SLC39A9: variants seen among roughly 807,000 people sequenced by gnomAD.
The protein encoded by SLC39A9 is zinc transporter ZIP9.
Under a neutral mutation model 28.4 loss-of-function variants are expected in SLC39A9, and 14 were observed. That is an observed-to-expected ratio of 0.49 (90% confidence interval 0.33 to 0.77). The LOEUF (loss-of-function observed/expected upper bound fraction) is 0.77. SLC39A9 is among the 30% of genes least tolerant of loss of function. The probability of loss-of-function intolerance (pLI) is 0.02; values close to 1 mark genes in which losing one functional copy is unlikely to be tolerated. For synonymous variants in SLC39A9, 119 were observed against 149.6 expected, an observed-to-expected ratio of 0.80 and a Z score of 1.49; for missense variants, 283 against 381.1, an observed-to-expected ratio of 0.74 and a Z score of 2.14.
In SLC39A9 at chr14:69,459,982, C is replaced by T; in HGVS notation, c.*1389C>T. On this transcript the variant is annotated 3_prime_UTR_variant, in exon 7 of 7. Coordinates refer to ENST00000336643, the MANE Select transcript of SLC39A9 (RefSeq NM_018375.5). ...CTCCTCATGTGTAAATTGACACAAT[C>T]ACTAATCTGGTAATTTAAACAATTG... The T allele has an allele frequency of 1.0e-6, 1 of 984,826 alleles. No homozygotes were observed. The highest frequency in any genetic ancestry group is 1.2e-6 in the Non-Finnish European group (1 of 829,014). The allele number at this position is 984,826 out of a possible 1,614,324, so 61.0% of individuals were successfully genotyped here. A position where few individuals can be genotyped will look rare whatever the true frequency, so the allele number is the denominator to read the frequency against.
chr14:69,455,372 G>A (rs1885808345), intron 5 of SLC39A9, among the ~76,000 whole-genome samples: 1 of 152,014 alleles, frequency 6.6e-6, no homozygotes, highest in African/African-American at 2.4e-5. Flanking sequence ...TGTCACCCAG[G>A]CTGGAGTGCA....
rs1177295088 is a variant in SLC39A9, at chr14:69,448,223, AAAAAAAAAAAG to A, written c.404-5017_404-5007del. On this transcript the variant is annotated intron_variant, in intron 3 of 6. Coordinates refer to ENST00000336643, the MANE Select transcript of SLC39A9 (RefSeq NM_018375.5). Reference sequence around the variant, plus strand: ...AAGTGAGACTCTGTCTCAAAAAAAAAAAAAAAAAAAGCACAAAAAAAAATTAAACTGAAAAT... The same window carrying A: ...AAGTGAGACTCTGTCTCAAAAAAAAACACAAAAAAAAATTAAACTGAAAAT... Among the ~76,000 whole-genome samples, 4 of 150,856 alleles carry A rather than the reference AAAAAAAAAAAG, an allele frequency of 2.7e-5. No individual in the cohort carries two copies. In the South Asian group the frequency reaches 8.4e-4, roughly 31 times the overall value.
chr14:69,426,702 G>A, intron 2 of SLC39A9, among the ~76,000 whole-genome samples: 1 of 149,658 alleles, frequency 6.7e-6, no homozygotes, highest in Non-Finnish European at 1.5e-5. Context: ...CCTTGGGGCA[G>A]GTGAAAAGAG....
At chr14:69,440,472 A>C (rs73275019) in intron 2 of SLC39A9, among the ~76,000 whole-genome samples, 6,288 of 152,104 alleles carry the variant, frequency 0.041, 455 homozygotes, top group African/African-American at 0.14. Flanking sequence ...TGTAGTCCAG[A>C]TTCTTGGGGG....
chr14:69,454,762 ATTG>A (rs770349227), intron 4 of SLC39A9, 47 bp from the exon 5 acceptor site: 81 of 1,463,596 alleles, frequency 5.5e-5, no homozygotes, highest in Non-Finnish European at 6.9e-5. Context: ...CTACACTGTT[ATTG>A]TTGTTGTTGT....
chr14:69,447,913 C>CAAAAAAA (rs34116080), intron 3 of SLC39A9, among the ~76,000 whole-genome samples: 2 of 97,132 alleles, frequency 2.1e-5, no homozygotes, highest in African/African-American at 4.3e-5. Context: ...GCCCTGTCTC[C>CAAAAAAA]AAAAAAAAAA....
At chr14:69,407,783 C>T (rs531618639) in intron 1 of SLC39A9, among the ~76,000 whole-genome samples, 4 of 150,714 alleles carry the variant, frequency 2.7e-5, no homozygotes, top group South Asian at 2.1e-4. Flanking sequence ...GGATTACAGG[C>T]GCCTGCCACC....
chr14:69,442,396 GT>G (rs1885091635), intron 3 of SLC39A9, 130 bp downstream of exon 3: 2 of 869,310 alleles, frequency 2.3e-6, no homozygotes, highest in Non-Finnish European at 3.6e-6. Context: ...TTGGGTTCTA[GT>G]GAACATTTAA....
Position 69,424,196 on chromosome 14 carries a change from C to T in SLC39A9, c.199C>T (p.Leu67Phe), listed in dbSNP as rs1461555914. The T allele has an allele frequency of 6.2e-7, 1 of 1,609,508 alleles. No individual in the cohort carries two copies. The highest frequency in any genetic ancestry group is 8.5e-7 in the Non-Finnish European group (1 of 1,176,038). Reference sequence around the variant, plus strand: ...AGTACATGCCCTTTATGAAGATATTCTTGAGGGTGAGAAAGGGAAGAGCAT... The same window carrying T: ...AGTACATGCCCTTTATGAAGATATTTTTGAGGGTGAGAAAGGGAAGAGCAT... ...EGVHALYEDILEGKHHQASET... is the reference protein window; with the variant it reads ...EGVHALYEDIFEGKHHQASET... The change falls in exon 2 of 7, where the codon CTT (leucine) becomes TTT (phenylalanine). Residue 67 changes from leucine (L) to phenylalanine (F), a missense_variant. By Grantham distance (22) the Leu-to-Phe change is conservative. Coordinates refer to ENST00000336643, the MANE Select transcript of SLC39A9 (RefSeq NM_018375.5).
intron 1 of SLC39A9, among the ~76,000 whole-genome samples, chr14:69,409,591 T>G (rs1594902781): frequency 6.6e-6 from 1 of 152,220 alleles, no homozygotes; most frequent in Non-Finnish European, 1.5e-5. Flanking sequence ...TCGTCTTGTC[T>G]TGGCCTCCCA....
At chr14:69,419,161 C>G (rs35695471) in intron 1 of SLC39A9, among the ~76,000 whole-genome samples, 1 of 152,108 alleles carries the variant, frequency 6.6e-6, no homozygotes, top group Admixed American at 6.6e-5. Flanking sequence ...TCCCTCTACA[C>G]ACTGCTTTAA....
intron 1 of SLC39A9, among the ~76,000 whole-genome samples, chr14:69,406,969 G>GC (rs1048447765): frequency 4.9e-5 from 7 of 143,830 alleles, no homozygotes; most frequent in East Asian, 2.2e-4. Flanking sequence ...TCCTGCCTCA[G>GC]CCCCCCCAGT....
Position 69,399,124 on chromosome 14 carries a change from G to A in SLC39A9, c.-246G>A, listed in dbSNP as rs1882476787. The A allele has an allele frequency of 4.3e-6, 2 of 467,026 alleles. No individual in the cohort carries two copies. The highest frequency in any genetic ancestry group is 8.8e-5 in the Admixed American group (2 of 22,816). 28.9% of individuals were successfully genotyped at this position (467,026 alleles called of 1,614,324 possible). On this transcript the variant is annotated 5_prime_UTR_variant, in exon 1 of 7. Transcript: ENST00000336643. ...CGAGAATCTAATGACTGGCATCTGA[G>A]AACCCAGAGCCTGGGACCTTAGATT...
chr14:69,403,155 CCTGTTTGG>C (rs527577552), intron 1 of SLC39A9, among the ~76,000 whole-genome samples: 1,557 of 151,776 alleles, frequency 0.01, 13 homozygotes, highest in Non-Finnish European at 0.016. Context: ...CAAAGGAAGC[CCTGTTTGG>C]TAAGGGAGTG....
At chr14:69,454,312 C>T (rs912279149) in intron 4 of SLC39A9, among the ~76,000 whole-genome samples, 5 of 152,072 alleles carry the variant, frequency 3.3e-5, no homozygotes, top group East Asian at 1.9e-4. Context: ...ACTCTGTTGC[C>T]GAGGCTGGAG....
At chr14:69,414,953 T>C (rs1420297449) in intron 1 of SLC39A9, among the ~76,000 whole-genome samples, 1 of 152,132 alleles carries the variant, frequency 6.6e-6, no homozygotes, top group African/African-American at 2.4e-5. Context: ...AAAATGTTTA[T>C]GAGATTTGTT....
rs1886102963 is a variant in SLC39A9 at position 69,461,336 on chromosome 14, T to G, written c.*2743T>G. On this transcript the variant is annotated 3_prime_UTR_variant, in exon 7 of 7. Transcript: ENST00000336643. Reference sequence around the variant, plus strand: ...CCATTCCCCTCACTTATTCTCCAGTTAATTGCTTGTCAGTTCCATTTCAAG... The same window carrying G: ...CCATTCCCCTCACTTATTCTCCAGTGAATTGCTTGTCAGTTCCATTTCAAG... The G allele has an allele frequency of 9.2e-7, 1 of 1,081,344 alleles. No homozygotes were observed. Among genetic ancestry groups the G allele is most frequent in the Non-Finnish European group, 1.1e-6 (1 of 886,580 alleles). The allele number at this position is 1,081,344 out of a possible 1,614,324, so 67.0% of individuals were successfully genotyped here.
At chr14:69,425,939 A>G in intron 2 of SLC39A9, among the ~76,000 whole-genome samples, 1 of 152,208 alleles carries the variant, frequency 6.6e-6, no homozygotes, top group Admixed American at 6.5e-5. Context: ...TGCTGGGATT[A>G]CAGGTGTGAG....
At chr14:69,442,943 A>G (rs1594940158) in intron 3 of SLC39A9, among the ~76,000 whole-genome samples, 1 of 152,226 alleles carries the variant, frequency 6.6e-6, no homozygotes, top group Non-Finnish European at 1.5e-5. Context: ...GTATTTTCTT[A>G]CAAATGTACC....
Sources: gnomAD v4.1 joint callset for allele counts (sites outside exome capture counted in the v4.1 genomes callset) on GRCh38, gnomAD v4.1.1 for gene constraint, MANE v1.5 for transcripts, NCBI Gene and HGNC (gene_info 2026-07-23, HGNC 2026-07-21) for gene names.